The following SEL1L2 variants were observed in gnomAD, a reference collection of about 807,000 sequenced individuals.
The protein encoded by SEL1L2 is protein sel-1 homolog 2.
In SEL1L2, 89 loss-of-function variants were observed where a neutral mutation model predicts 98.8. That is an observed-to-expected ratio of 0.90 (90% CI 0.76 to 1.07). The LOEUF (loss-of-function observed/expected upper bound fraction) is 1.07. SEL1L2 is among the 50% of genes least tolerant of loss of function. The pLI, the probability that SEL1L2 is intolerant of heterozygous loss-of-function variation, is 0.00. For missense variants in SEL1L2, 788 were observed against 812.0 expected, an observed-to-expected ratio of 0.97 and a Z score of 0.36; for synonymous variants, 262 against 278.5, an observed-to-expected ratio of 0.94 and a Z score of 0.59.
chr20:13,942,485 C>T lies in SEL1L2; in HGVS notation c.115-10714G>A, dbSNP rs555405738. On this transcript the variant is annotated intron_variant, in intron 2 of 19. Coordinates refer to ENST00000284951, the MANE Select transcript of SEL1L2 (RefSeq NM_025229.2). ...CCTGAGGTCTACAGAACCAGAAACT[C>T]TGGGAGTGAAGTCCAGCAATCTGTG... 7.2e-5 allele frequency among the ~76,000 whole-genome samples: 11 copies of T among 152,274 alleles called. No individual in the cohort carries two copies. In the South Asian group the frequency reaches 2.3e-3, roughly 32 times the overall value.
chr20:13,992,588 T>C (rs2052566506), upstream of SEL1L2, among the ~76,000 whole-genome samples: 1 of 152,082 alleles, frequency 6.6e-6, no homozygotes. Flanking sequence ...ATGGGGGTGG[T>C]ATGGAGCATA....
chr20:13,868,691 C>A (rs1199369440), intron 14 of SEL1L2, among the ~76,000 whole-genome samples: 1 of 151,610 alleles, frequency 6.6e-6, no homozygotes, highest in African/African-American at 2.4e-5. Context: ...CTGCAACCTC[C>A]ACCTCCTGGG....
At chr20:13,929,248 TCTC>T (rs1248119273) in intron 3 of SEL1L2, among the ~76,000 whole-genome samples, 1 of 149,072 alleles carries the variant, frequency 6.7e-6, no homozygotes, top group African/African-American at 2.5e-5. Flanking sequence ...AGTATAGACA[TCTC>T]CTACTATTTT....
chr20:13,878,151 T>A lies in SEL1L2; in HGVS notation c.958-563A>T, dbSNP rs901705055. 5.3e-5 allele frequency among the ~76,000 whole-genome samples: 8 copies of A among 152,166 alleles called. No homozygotes were observed. The South Asian group carries it at 6.2e-4, about 12-fold the overall frequency. On this transcript the variant is annotated intron_variant, in intron 10 of 19. Transcript: ENST00000284951. ...CTCTGATTTTGTCTAGGTCGTTACATTAAATGAAGCACTCTGTCTAGAACA... is the reference window on the plus strand; with the variant it reads ...CTCTGATTTTGTCTAGGTCGTTACAATAAATGAAGCACTCTGTCTAGAACA...
intron 5 of SEL1L2, among the ~76,000 whole-genome samples, chr20:13,905,268 G>A (rs970184014): frequency 2.6e-5 from 4 of 151,820 alleles, no homozygotes; most frequent in African/African-American, 7.3e-5. Context: ...ACGGGCTATC[G>A]TGTAGTAAAT....
At chr20:13,950,772 C>G (rs1304250812) in intron 2 of SEL1L2, among the ~76,000 whole-genome samples, 1 of 152,162 alleles carries the variant, frequency 6.6e-6, no homozygotes, top group Non-Finnish European at 1.5e-5. Flanking sequence ...ATCTTCATCT[C>G]TTACTACTTT....
intron 1 of SEL1L2, among the ~76,000 whole-genome samples, chr20:13,988,358 T>A (rs998545936): frequency 1.3e-4 from 20 of 152,296 alleles, no homozygotes; most frequent in Admixed American, 1.1e-3. Flanking sequence ...GTTTTATTTA[T>A]TTTTTTCAAA....
intron 11 of SEL1L2, 103 bp downstream of exon 11, chr20:13,877,417 C>T: frequency 1.2e-6 from 1 of 867,714 alleles, no homozygotes; most frequent in South Asian, 1.6e-5. Flanking sequence ...CTTTCCACCT[C>T]AACTTCCCAA....
chr20:13,985,104 C>A (rs1381323342), intron 1 of SEL1L2, among the ~76,000 whole-genome samples: 1 of 151,910 alleles, frequency 6.6e-6, no homozygotes, highest in African/African-American at 2.4e-5. Context: ...ATCCCCTCTC[C>A]CCCAACCCTC....
rs899679163 is a variant in SEL1L2 at position 13,849,440 on chromosome 20, G to A, written c.*45C>T. The A allele has an allele frequency of 6.2e-7, 1 of 1,605,872 alleles. No homozygotes were observed. The highest frequency in any genetic ancestry group is 8.5e-7 in the Non-Finnish European group (1 of 1,175,202). ...ACTGTTTATTTAGTGGGGATACCTTGGAGTGAACTGATTCCCGTGAGCAGG... is the reference window on the plus strand; with the variant it reads ...ACTGTTTATTTAGTGGGGATACCTTAGAGTGAACTGATTCCCGTGAGCAGG... On this transcript the variant is annotated 3_prime_UTR_variant, in exon 20 of 20. Coordinates refer to ENST00000284951, the MANE Select transcript of SEL1L2 (RefSeq NM_025229.2).
intron 5 of SEL1L2, among the ~76,000 whole-genome samples, chr20:13,894,727 C>T (rs548739413): frequency 3.3e-5 from 5 of 152,282 alleles, no homozygotes; most frequent in Admixed American, 3.3e-4. Context: ...TATGCACCAA[C>T]AAACTGGATA....
At chr20:13,980,120 T>C (rs2051738442) in intron 1 of SEL1L2, among the ~76,000 whole-genome samples, 1 of 152,132 alleles carries the variant, frequency 6.6e-6, no homozygotes, top group Non-Finnish European at 1.5e-5. Context: ...ATATCACTAA[T>C]CATCAGGAAA....
At chr20:13,882,496 G>A (rs1476772963) in intron 10 of SEL1L2, among the ~76,000 whole-genome samples, 1 of 152,200 alleles carries the variant, frequency 6.6e-6, no homozygotes, top group African/African-American at 2.4e-5. Flanking sequence ...TGACTGCCAT[G>A]TGGAAAGCTT....
Position 13,931,589 on chromosome 20 carries a change from G to C in SEL1L2, c.283+14C>G. The C allele has an allele frequency of 7.7e-7, 1 of 1,303,114 alleles. No homozygotes were observed. The highest frequency in any genetic ancestry group is 1.0e-6 in the Non-Finnish European group (1 of 962,866). The allele number at this position is 1,303,114 out of a possible 1,614,324, so 80.7% of individuals were successfully genotyped here. On this transcript the variant is annotated intron_variant, in intron 3 of 19. Transcript: ENST00000284951. ...GTCATTTTAAATTTACATGTGAAAA[G>C]ATATTCTACTTACAATGATTCTTAT... is the stretch of plus-strand genomic sequence containing the variant.
chr20:13,887,797 T>G lies in SEL1L2; in HGVS notation c.717A>C (p.Leu239=). 3 of 1,613,028 alleles carry G rather than the reference T, an allele frequency of 1.9e-6. No individual in the cohort carries two copies. The highest frequency in any genetic ancestry group is 2.5e-6 in the Non-Finnish European group (3 of 1,179,218). ...AATCTGCCACTTTCTTGTAATAACT[T>G]AGGGCAACTTCACAATTCTGTAGAA... ...INVLQNCEVA[L]SYYKKVADYI... Residue 239 remains leucine, a synonymous_variant, in exon 8 of 20, where the codon CTA becomes CTC. Coordinates refer to ENST00000284951, the MANE Select transcript of SEL1L2 (RefSeq NM_025229.2).
chr20:13,927,588 A>G (rs930943950), intron 3 of SEL1L2, among the ~76,000 whole-genome samples: 4 of 152,246 alleles, frequency 2.6e-5, no homozygotes, highest in African/African-American at 9.6e-5. Flanking sequence ...TCCATTAAGA[A>G]TATTTAATCA....
At chr20:13,880,838 C>T (rs2046664452) in intron 10 of SEL1L2, among the ~76,000 whole-genome samples, 1 of 151,666 alleles carries the variant, frequency 6.6e-6, no homozygotes, top group Non-Finnish European at 1.5e-5. Context: ...ATATAGTACG[C>T]CCCAGGTATT....
chr20:13,981,467 A>G (rs1045031586), intron 1 of SEL1L2, among the ~76,000 whole-genome samples: 28 of 152,238 alleles, frequency 1.8e-4, no homozygotes, highest in Admixed American at 5.9e-4. Flanking sequence ...ACCACAAAAA[A>G]TGGTACTTAT....
At chr20:13,959,075 C>T (rs186379484) in intron 1 of SEL1L2, among the ~76,000 whole-genome samples, 4 of 152,262 alleles carry the variant, frequency 2.6e-5, no homozygotes, top group East Asian at 1.9e-4. Flanking sequence ...AAGAACTTAA[C>T]GTCGACCATT....
Sources: gnomAD v4.1 joint callset for allele counts (sites outside exome capture counted in the v4.1 genomes callset) on GRCh38, gnomAD v4.1.1 for gene constraint, MANE v1.5 for transcripts, NCBI Gene and HGNC (gene_info 2026-07-23, HGNC 2026-07-21) for gene names.